SPAG16: variants seen among roughly 807,000 people sequenced by gnomAD.
SPAG16 encodes the protein sperm-associated antigen 16 protein.
SPAG16 carries 86 observed loss-of-function variants against 80.4 expected under a neutral mutation model. That is an observed-to-expected ratio of 1.07 (90% CI 0.90 to 1.28). The LOEUF is 1.28. Among genes scored for constraint, SPAG16 ranks in the 50% most tolerant of loss-of-function variants. The pLI is 0.00. For missense variants in SPAG16, 870 were observed against 765.3 expected, an observed-to-expected ratio of 1.14 and a Z score of -1.61; for synonymous variants, 294 against 265.9, an observed-to-expected ratio of 1.11 and a Z score of -1.03.
intron 5 of SPAG16, chr2:213,317,566 C>T: frequency 3.3e-6 from 4 of 1,223,362 alleles, no homozygotes; most frequent in Non-Finnish European, 4.1e-6. Context: ...GAAGGGAATG[C>T]AGGTAGTTGT....
At chr2:214,107,433 C>T (rs1226998685) in intron 13 of SPAG16, among the ~76,000 whole-genome samples, 5 of 152,088 alleles carry the variant, frequency 3.3e-5, no homozygotes, top group Non-Finnish European at 5.9e-5. Context: ...CCTTGTTCTA[C>T]AGAATTTGGG....
intron 10 of SPAG16, among the ~76,000 whole-genome samples, chr2:213,606,847 T>C (rs2061279852): frequency 6.6e-6 from 1 of 152,226 alleles, no homozygotes; most frequent in South Asian, 2.1e-4. Flanking sequence ...ACTACAGTCC[T>C]ACCATCTCAC....
chr2:213,818,123 G>A (rs2072679734), intron 10 of SPAG16, among the ~76,000 whole-genome samples: 1 of 152,120 alleles, frequency 6.6e-6, no homozygotes, highest in Non-Finnish European at 1.5e-5. Flanking sequence ...CATGAGAAAT[G>A]CAGTCCTTTA....
In SPAG16 at chr2:214,054,544, A is replaced by G. The variant is rs749687781; in HGVS notation, c.1527+40467A>G. On this transcript the variant is annotated intron_variant, in intron 13 of 15. Transcript: ENST00000331683. ...TATTTCTGAGGCCTAACAGACCCCA[A>G]TGAAGAAAATATCCACCAAATTATT... Among the ~76,000 whole-genome samples the G allele has an allele frequency of 6.6e-4, 101 of 152,320 alleles. 1 individual carries two copies. Among genetic ancestry groups the G allele is most frequent in the Non-Finnish European group, 1.6e-4 (11 of 68,016 alleles).
chr2:213,926,949 C>A (rs2078507581), intron 11 of SPAG16, among the ~76,000 whole-genome samples: 1 of 152,128 alleles, frequency 6.6e-6, no homozygotes, highest in East Asian at 1.9e-4. Context: ...TCTGCCATAA[C>A]AAAATAACAG....
intron 15 of SPAG16, among the ~76,000 whole-genome samples, chr2:214,158,711 G>T (rs1324006697): frequency 6.6e-6 from 1 of 151,804 alleles, no homozygotes; most frequent in Non-Finnish European, 1.5e-5. Context: ...TTTGTTTAGC[G>T]CTCTGATACA....
chr2:213,647,914 C>T lies in SPAG16; in HGVS notation c.1070+157824C>T, dbSNP rs569924661. 3.3e-5 allele frequency among the ~76,000 whole-genome samples: 5 copies of T among 152,294 alleles called. No individual in the cohort carries two copies. In the East Asian group the frequency reaches 9.6e-4, roughly 29 times the overall value. ...ATTGGCTCCCTTACGTCCACAGCAG[C>T]TTCTTGGCTCATAGGAGGTAGATGT... On this transcript the variant is annotated intron_variant, in intron 10 of 15. Transcript: ENST00000331683.
chr2:213,831,409 AG>A (rs2073650481), intron 10 of SPAG16, among the ~76,000 whole-genome samples: 1 of 91,528 alleles, frequency 1.1e-5, no homozygotes, highest in Non-Finnish European at 2.8e-5. Context: ...TTCATAATTC[AG>A]GTGTTTTTTT....
chr2:213,463,303 G>C (rs1329456691), intron 9 of SPAG16, among the ~76,000 whole-genome samples: 3 of 152,220 alleles, frequency 2.0e-5, no homozygotes, highest in Non-Finnish European at 4.4e-5. Context: ...CTATTTTCTG[G>C]GGAGAAATTC....
At chr2:214,194,847 A>G (rs918952834) in intron 15 of SPAG16, among the ~76,000 whole-genome samples, 1 of 152,110 alleles carries the variant, frequency 6.6e-6, no homozygotes, top group Non-Finnish European at 1.5e-5. Context: ...CACATTTACT[A>G]CTACGACTGG....
chr2:213,672,239 CT>C (rs1332538446), intron 10 of SPAG16, among the ~76,000 whole-genome samples: 1 of 150,428 alleles, frequency 6.6e-6, no homozygotes, highest in Admixed American at 6.6e-5. Flanking sequence ...CATGACATGT[CT>C]TGTTCTAGAA....
At chr2:213,794,389 A>G (rs1426772211) in intron 10 of SPAG16, among the ~76,000 whole-genome samples, 1 of 152,120 alleles carries the variant, frequency 6.6e-6, no homozygotes, top group Non-Finnish European at 1.5e-5. Flanking sequence ...TAATTTCATA[A>G]GTAGTATTTT....
intron 10 of SPAG16, among the ~76,000 whole-genome samples, chr2:213,745,594 A>C (rs2067783342): frequency 6.6e-6 from 1 of 152,334 alleles, no homozygotes; most frequent in East Asian, 1.9e-4. Context: ...AGTTATAGAT[A>C]TATTCATACT....
rs567577494 is a variant in SPAG16, at chr2:213,324,693, C to G, written c.536+7337C>G. Among the ~76,000 whole-genome samples, 3 of 152,168 alleles carry G rather than the reference C, an allele frequency of 2.0e-5. No individual in the cohort carries two copies. The East Asian group carries it at 5.8e-4, about 29-fold the overall frequency. ...CAACAGTTGGTTATTAAAGATAAAACTGCTGTGAACATTGAGGTACAAATA... is the reference window on the plus strand; with the variant it reads ...CAACAGTTGGTTATTAAAGATAAAAGTGCTGTGAACATTGAGGTACAAATA... On this transcript the variant is annotated intron_variant, in intron 5 of 15. Transcript: ENST00000331683.
intron 10 of SPAG16, among the ~76,000 whole-genome samples, chr2:213,637,058 T>C (rs570069190): frequency 2.9e-4 from 44 of 152,208 alleles, no homozygotes; most frequent in Middle Eastern, 3.2e-3. Context: ...GCTTTCAACA[T>C]TTCCTTGTTC....
At chr2:213,870,003 G>A (rs1174518084) in intron 11 of SPAG16, among the ~76,000 whole-genome samples, 2 of 152,114 alleles carry the variant, frequency 1.3e-5, no homozygotes, top group African/African-American at 4.8e-5. Flanking sequence ...GCAATTGTAC[G>A]TAGCAATTAT....
At chr2:213,915,076 C>T (rs968267238) in intron 11 of SPAG16, among the ~76,000 whole-genome samples, 40 of 151,672 alleles carry the variant, frequency 2.6e-4, no homozygotes, top group African/African-American at 8.2e-4. Flanking sequence ...ATCAAAGTCA[C>T]GTCTTACATG....
At chr2:214,045,427 T>G (rs938408081) in intron 13 of SPAG16, among the ~76,000 whole-genome samples, 3 of 151,990 alleles carry the variant, frequency 2.0e-5, no homozygotes, top group African/African-American at 7.3e-5. Context: ...GATGACACCC[T>G]GAGACTTTCT....
chr2:213,464,850 G>A (rs1351224981), intron 9 of SPAG16, among the ~76,000 whole-genome samples: 1 of 152,186 alleles, frequency 6.6e-6, no homozygotes, highest in Non-Finnish European at 1.5e-5. Flanking sequence ...CTGGAATTTG[G>A]TAGATGAAGT....
Sources: gnomAD v4.1 joint callset for allele counts (sites outside exome capture counted in the v4.1 genomes callset) on GRCh38, gnomAD v4.1.1 for gene constraint, MANE v1.5 for transcripts, NCBI Gene and HGNC (gene_info 2026-07-23, HGNC 2026-07-21) for gene names.